The following DSG4 variants were observed in gnomAD, a reference collection of about 807,000 sequenced individuals.
DSG4 encodes desmoglein 4.
DSG4 carries 87 observed loss-of-function variants against 93.1 expected under a neutral mutation model. The observed-to-expected ratio is 0.93, with a 90% confidence interval of 0.79 to 1.12. The LOEUF is 1.12. DSG4 is among the 50% of genes most tolerant of loss of function. The pLI is 0.00. For synonymous variants in DSG4, 432 were observed against 452.9 expected, an observed-to-expected ratio of 0.95 and a Z score of 0.59; for missense variants, 1,373 against 1,285.7, an observed-to-expected ratio of 1.07 and a Z score of -1.04.
rs2072422545 is a variant in DSG4 at position 31,406,124 on chromosome 18, T to G, written c.1684T>G (p.Tyr562Asp). Residue 562 changes from tyrosine (Y) to aspartate (D), a missense_variant, in exon 12 of 16, where the codon TAT becomes GAT. Coordinates refer to ENST00000308128, the MANE Select transcript of DSG4 (RefSeq NM_177986.5). ...TAAGCAGGTTTTATCTCCAGGATTTTATGAAATCCCAATCCTGGTGAAGGA... is the reference window on the plus strand; with the variant it reads ...TAAGCAGGTTTTATCTCCAGGATTTGATGAAATCCCAATCCTGGTGAAGGA... ...TAKQVLSPGF[Y>D]EIPILVKDSY... The G allele has an allele frequency of 6.2e-7, 1 of 1,614,050 alleles. No individual in the cohort carries two copies. Among genetic ancestry groups the G allele is most frequent in the African/African-American group, 1.3e-5 (1 of 74,914 alleles).
intron 12 of DSG4, 106 bp downstream of exon 12, chr18:31,406,479 C>G (rs895109535): frequency 7.1e-6 from 10 of 1,400,628 alleles, no homozygotes; most frequent in Non-Finnish European, 9.0e-6. Context: ...TTTGGTATCT[C>G]TAGCAATTTT....
chr18:31,376,928 T>C lies in DSG4; in HGVS notation c.17T>C (p.Phe6Ser). The C allele has an allele frequency of 6.2e-7, 1 of 1,613,660 alleles. No homozygotes were observed. The highest frequency in any genetic ancestry group is 8.5e-7 in the Non-Finnish European group (1 of 1,179,712). Residue 6 changes from phenylalanine to serine, a missense_variant, in exon 1 of 16, where the codon TTC (phenylalanine) becomes TCC (serine). Physicochemically the swap from Phe to Ser is radical, Grantham distance 155. Coordinates refer to ENST00000308128, the MANE Select transcript of DSG4 (RefSeq NM_177986.5). ...CCCAAAGGAATGGATTGGCTCTTCT[T>C]CAGAAACATTTGCCTTTTGATCATT... Reference protein sequence around the residue: MDWLFFRNICLLIILM... With the variant: MDWLFSRNICLLIILM...
chr18:31,386,626 A>C, intron 2 of DSG4, 62 bp from the exon 3 acceptor site: 1 of 1,603,586 alleles, frequency 6.2e-7, no homozygotes, highest in South Asian at 1.1e-5. Flanking sequence ...ATATTAAATA[A>C]ATGTCCTTTC....
chr18:31,404,352 C>T (rs1282567434), intron 11 of DSG4, among the ~76,000 whole-genome samples: 2 of 152,106 alleles, frequency 1.3e-5, no homozygotes, highest in African/African-American at 4.8e-5. Context: ...TGGCTGACAT[C>T]GATAAAAATT....
chr18:31,376,995 G>A (rs866045710), intron 1 of DSG4, 36 bp downstream of exon 1: 1 of 1,605,492 alleles, frequency 6.2e-7, no homozygotes, highest in Middle Eastern at 1.7e-4. Flanking sequence ...AGGAAATGCA[G>A]CCTCAAGGTC....
intron 7 of DSG4, among the ~76,000 whole-genome samples, chr18:31,391,663 T>TA (rs111644305): frequency 1.3e-3 from 191 of 144,318 alleles, no homozygotes; most frequent in African/African-American, 3.2e-3. Flanking sequence ...TGTTTCGGTT[T>TA]AAAAAAAAAA....
At chr18:31,409,667 CACAAAAATGAACAGATGTCAGTTTTT>C in intron 13 of DSG4, 52 bp from the exon 14 acceptor site, 1 of 1,613,176 alleles carries the variant, frequency 6.2e-7, no homozygotes, top group Non-Finnish European at 8.5e-7. Flanking sequence ...TTACATGCTG[CACAAAAATGAACAGATGTCAGTTTTT>C]AAATGTTTAA....
chr18:31,409,077 G>C (rs909504881), intron 12 of DSG4, among the ~76,000 whole-genome samples: 1 of 152,174 alleles, frequency 6.6e-6, no homozygotes, highest in Non-Finnish European at 1.5e-5. Flanking sequence ...GCTGAATCCT[G>C]TATTCAATCC....
chr18:31,411,138 G>T (rs1193630951), intron 14 of DSG4, 93 bp from the exon 15 acceptor site: 1 of 1,613,332 alleles, frequency 6.2e-7, no homozygotes, highest in Middle Eastern at 1.6e-4. Context: ...TTGCCGGGTG[G>T]TGGTGGCACC....
intron 8 of DSG4, among the ~76,000 whole-genome samples, chr18:31,395,386 C>A (rs2072295171): frequency 6.6e-6 from 1 of 151,726 alleles, no homozygotes; most frequent in Non-Finnish European, 1.5e-5. Flanking sequence ...CTTTCCAAAT[C>A]TCTTAAAAAG....
At chr18:31,390,180 C>T (rs1387342136) in intron 5 of DSG4, among the ~76,000 whole-genome samples, 1 of 152,000 alleles carries the variant, frequency 6.6e-6, no homozygotes, top group African/African-American at 2.4e-5. Flanking sequence ...TCCAATGCAA[C>T]CAAGAGTAAT....
At chr18:31,380,254 C>T (rs1382635414) in intron 1 of DSG4, among the ~76,000 whole-genome samples, 1 of 152,084 alleles carries the variant, frequency 6.6e-6, no homozygotes, top group African/African-American at 2.4e-5. Flanking sequence ...ATTCTATGAC[C>T]CTTTTCCTTT....
chr18:31,407,396 C>T (rs758396934), intron 12 of DSG4, among the ~76,000 whole-genome samples: 23 of 152,154 alleles, frequency 1.5e-4, no homozygotes, highest in Non-Finnish European at 2.8e-4. Context: ...AGTGCCTAAA[C>T]TAAGACTGGT....
chr18:31,389,646 C>T (rs563599041), intron 5 of DSG4, among the ~76,000 whole-genome samples: 81 of 152,178 alleles, frequency 5.3e-4, no homozygotes, highest in Admixed American at 1.7e-3. Context: ...TCTCCCTTTG[C>T]CTTCTGACCT....
At position 31,391,024 on chromosome 18, in the gene DSG4, G is replaced by C. The variant is rs1598740055; in HGVS notation, c.685-54G>C. On this transcript the variant is annotated intron_variant, in intron 6 of 15. Coordinates refer to ENST00000308128, the MANE Select transcript of DSG4 (RefSeq NM_177986.5). ...GAGAAATAATGGCATTGAATGCATTGGATTCTATTCAAGACAAAACCTAAG... is the reference window on the plus strand; with the variant it reads ...GAGAAATAATGGCATTGAATGCATTCGATTCTATTCAAGACAAAACCTAAG... The C allele has an allele frequency of 6.2e-6, 10 of 1,606,660 alleles. No individual in the cohort carries two copies. The East Asian group carries it at 2.2e-4, about 36-fold the overall frequency.
chr18:31,411,179 T>G (rs780164924), intron 14 of DSG4, 52 bp from the exon 15 acceptor site: 12 of 1,614,248 alleles, frequency 7.4e-6, no homozygotes, highest in Non-Finnish European at 1.0e-5. Context: ...TTTAGGCAGA[T>G]GCGCGCTGCA....
chr18:31,391,945 C>T lies in DSG4; in HGVS notation c.820-210C>T, dbSNP rs543961998. On this transcript the variant is annotated intron_variant, in intron 7 of 15. Transcript: ENST00000308128. Reference sequence around the variant, plus strand: ...AGAAAGGAACAAAGTGCTAATTTGACCTTGATTTTACATACAGCACATGAA... The same window carrying T: ...AGAAAGGAACAAAGTGCTAATTTGATCTTGATTTTACATACAGCACATGAA... 4.6e-5 allele frequency among the ~76,000 whole-genome samples: 7 copies of T among 152,094 alleles called. No homozygotes were observed. In the South Asian group the frequency reaches 1.3e-3, roughly 27 times the overall value.
chr18:31,384,132 A>C (rs2072163458), intron 1 of DSG4, among the ~76,000 whole-genome samples: 1 of 152,172 alleles, frequency 6.6e-6, no homozygotes, highest in Non-Finnish European at 1.5e-5. Context: ...TTGGTTCTGA[A>C]GCTTGTTTAA....
At chr18:31,405,579 A>G (rs2072415270) in intron 11 of DSG4, among the ~76,000 whole-genome samples, 1 of 151,914 alleles carries the variant, frequency 6.6e-6, no homozygotes. Flanking sequence ...TAAAAAAAAA[A>G]AGAAAGAAAG....
Sources: allele counts gnomAD v4.1 joint callset (sites outside exome capture counted in the v4.1 genomes callset), GRCh38; gene constraint gnomAD v4.1.1; transcripts MANE v1.5; gene names NCBI Gene and HGNC (gene_info 2026-07-23, HGNC 2026-07-21).